BIRC6: variants seen among roughly 807,000 people sequenced by gnomAD.
BIRC6 encodes baculoviral IAP repeat containing 6.
A neutral mutation model predicts 503.3 loss-of-function variants in BIRC6; 98 were observed. The observed-to-expected ratio is 0.19, with a 90% CI of 0.17 to 0.23. The LOEUF (loss-of-function observed/expected upper bound fraction) is 0.23. BIRC6 is among the 10% of genes least tolerant of loss of function. The pLI, the probability that BIRC6 is intolerant of heterozygous loss-of-function variation, is 1.00. For missense variants in BIRC6, 5,360 were observed against 5,806.0 expected, an observed-to-expected ratio of 0.92 and a Z score of 2.50; for synonymous variants, 2,240 against 2,078.7, an observed-to-expected ratio of 1.08 and a Z score of -2.11.
At chr2:32,503,018 A>G in intron 48 of BIRC6, 24 bp from the exon 49 acceptor site, 1 of 1,548,404 alleles carries the variant, frequency 6.5e-7, no homozygotes, top group Non-Finnish European at 8.7e-7. Flanking sequence ...GATCGATTTC[A>G]TTTCATATTC....
rs775787271 is a variant in BIRC6, at chr2:32,512,917, G to A, written c.10347-16G>A. The stretch of plus-strand genomic sequence containing the variant: ...ACTATATAGTTGGTTATATGAATTC[G>A]TTTTCTTCGTTTAAGAATTCAGGCC... On this transcript the variant is annotated splice_polypyrimidine_tract_variant and intron_variant, in intron 53 of 73. Transcript: ENST00000421745. 80 of 1,609,642 alleles carry A rather than the reference G, an allele frequency of 5.0e-5. No individual in the cohort carries two copies. The highest frequency in any genetic ancestry group is 6.0e-5 in the Non-Finnish European group (71 of 1,176,478).
At position 32,415,719 on chromosome 2, in the gene BIRC6, C is replaced by T. The variant is rs774150827; in HGVS notation, c.2428C>T (p.Pro810Ser). 16 of 1,613,798 alleles carry T rather than the reference C, an allele frequency of 9.9e-6. No individual in the cohort carries two copies. Among genetic ancestry groups the T allele is most frequent in the Non-Finnish European group, 1.4e-5 (16 of 1,179,860 alleles). The change falls in exon 10 of 74, where the codon CCT becomes TCT. Residue 810 changes from proline to serine, a missense_variant. By Grantham distance (74) the Pro-to-Ser change is moderately conservative. Coordinates refer to ENST00000421745, the MANE Select transcript of BIRC6 (RefSeq NM_016252.4). ...QHESPADVQT[P>S]LIIQPEQRNV... ...TGAATCACCAGCAGATGTACAGACT[C>T]CTTTAATAATTCAGCCTGAGCAGAG...
At chr2:32,578,648 C>T (rs1411645240) in intron 66 of BIRC6, among the ~76,000 whole-genome samples, 1 of 151,676 alleles carries the variant, frequency 6.6e-6, no homozygotes, top group Non-Finnish European at 1.5e-5. Flanking sequence ...TACAAAAATT[C>T]AGCTGGGTGT....
chr2:32,458,277 C>T (rs2047462168), intron 23 of BIRC6, among the ~76,000 whole-genome samples: 1 of 152,104 alleles, frequency 6.6e-6, no homozygotes, highest in Non-Finnish European at 1.5e-5. Flanking sequence ...TATTCTGCTT[C>T]AGATTGATAG....
intron 64 of BIRC6, among the ~76,000 whole-genome samples, chr2:32,548,365 C>CTTTTTTTTT (rs1202755440): frequency 1.4e-5 from 1 of 73,364 alleles, no homozygotes. Context: ...TGGTTGCTTA[C>CTTTTTTTTT]TTTTTTTTTT....
intron 12 of BIRC6, among the ~76,000 whole-genome samples, chr2:32,432,060 T>TA (rs1460961861): frequency 6.6e-6 from 1 of 152,048 alleles, no homozygotes; most frequent in Non-Finnish European, 1.5e-5. Flanking sequence ...GGAAAAGAAA[T>TA]ATGACCATTG....
chr2:32,508,407 T>G (rs529642000), intron 51 of BIRC6, 148 bp downstream of exon 51: 1 of 1,095,026 alleles, frequency 9.1e-7, no homozygotes, highest in South Asian at 1.9e-5. Flanking sequence ...ACAATTTTAT[T>G]AGGTGTAATA....
chr2:32,372,471 A>G (rs1254582985), intron 1 of BIRC6, among the ~76,000 whole-genome samples: 1 of 152,148 alleles, frequency 6.6e-6, no homozygotes, highest in Non-Finnish European at 1.5e-5. Context: ...GCATGTATTA[A>G]TATTTCATTC....
chr2:32,578,439 A>T (rs2060410793), intron 66 of BIRC6, among the ~76,000 whole-genome samples: 1 of 152,130 alleles, frequency 6.6e-6, no homozygotes, highest in South Asian at 2.1e-4. Context: ...TGTTCTGTTA[A>T]TGTATCACTT....
chr2:32,515,618 G>A lies in BIRC6; in HGVS notation c.11197G>A (p.Ala3733Thr), dbSNP rs775498126. 2 of 1,613,408 alleles carry A rather than the reference G, an allele frequency of 1.2e-6. No individual in the cohort carries two copies. Among genetic ancestry groups the A allele is most frequent in the East Asian group, 4.5e-5 (2 of 44,866 alleles). Residue 3733 changes from alanine to threonine, a missense_variant, in exon 55 of 74, where the codon GCA (alanine) becomes ACA (threonine). Coordinates refer to ENST00000421745, the MANE Select transcript of BIRC6 (RefSeq NM_016252.4). ...GSTSGSHNLG[A>T]QQTSARSASL... ...CACTTCTGGAAGCCATAATTTAGGT[G>A]CACAACAGACCAGTGCAAGATCAGC...
At chr2:32,479,296 A>G (rs1176713457) in intron 36 of BIRC6, among the ~76,000 whole-genome samples, 166 bp from the exon 37 acceptor site, 1 of 152,216 alleles carries the variant, frequency 6.6e-6, no homozygotes, top group East Asian at 1.9e-4. Flanking sequence ...TAATGGAGTG[A>G]GTCCTAGCAT....
chr2:32,495,650 TTTG>T (rs775119663), intron 45 of BIRC6, among the ~76,000 whole-genome samples: 3 of 152,152 alleles, frequency 2.0e-5, no homozygotes, highest in Non-Finnish European at 2.9e-5. Context: ...TTATGTATTT[TTTG>T]TTGTTGTTAC....
At chr2:32,358,229 AT>A (rs1265818782) in intron 1 of BIRC6, among the ~76,000 whole-genome samples, 2 of 152,166 alleles carry the variant, frequency 1.3e-5, no homozygotes, top group African/African-American at 2.4e-5. Flanking sequence ...TATGAAATAG[AT>A]TCCTTTGGGT....
intron 1 of BIRC6, among the ~76,000 whole-genome samples, chr2:32,369,720 G>A (rs931083274): frequency 6.6e-6 from 1 of 151,212 alleles, no homozygotes; most frequent in East Asian, 1.9e-4. Context: ...GAGCCATCTC[G>A]CCCGGCGCCA....
intron 66 of BIRC6, among the ~76,000 whole-genome samples, chr2:32,578,243 A>AT (rs971070047): frequency 5.9e-5 from 9 of 151,352 alleles, no homozygotes; most frequent in Admixed American, 2.0e-4. Context: ...CTTAAGATGT[A>AT]TTTTTTTTTC....
chr2:32,504,676 T>C (rs2053601504), intron 49 of BIRC6, among the ~76,000 whole-genome samples: 1 of 151,440 alleles, frequency 6.6e-6, no homozygotes, highest in East Asian at 1.9e-4. Flanking sequence ...GAAAAATAAA[T>C]AAATAAATAA....
Position 32,470,150 on chromosome 2 carries a change from T to G in BIRC6, c.6348-18T>G. The G allele has an allele frequency of 6.8e-7, 1 of 1,469,638 alleles. No individual in the cohort carries two copies. Among genetic ancestry groups the G allele is most frequent in the Non-Finnish European group, 9.0e-7 (1 of 1,109,416 alleles). The allele number at this position is 1,469,638 out of a possible 1,614,324, so 91.0% of individuals were successfully genotyped here. A position where few individuals can be genotyped will look rare whatever the true frequency, so the allele number is the denominator to read the frequency against. On this transcript the variant is annotated intron_variant, in intron 30 of 73. Coordinates refer to ENST00000421745, the MANE Select transcript of BIRC6 (RefSeq NM_016252.4). ...AATTGATTCTTATTCTTTTCTTTTT[T>G]GTTTGTTTTGTTTTTAGGGTCTTCA...
chr2:32,381,210 T>C (rs1463375862), intron 3 of BIRC6, among the ~76,000 whole-genome samples: 1 of 152,144 alleles, frequency 6.6e-6, no homozygotes, highest in Non-Finnish European at 1.5e-5. Context: ...AATATACTAA[T>C]ATTGTGTTAT....
intron 15 of BIRC6, 108 bp downstream of exon 15, chr2:32,436,292 G>T (rs767729239): frequency 1.9e-6 from 2 of 1,059,524 alleles, no homozygotes; most frequent in Non-Finnish European, 2.5e-6. Flanking sequence ...TGGGACTTTC[G>T]TTCGAAATTT....
Sources: allele counts gnomAD v4.1 joint callset (sites outside exome capture counted in the v4.1 genomes callset), GRCh38; gene constraint gnomAD v4.1.1; transcripts MANE v1.5; gene names NCBI Gene and HGNC (gene_info 2026-07-23, HGNC 2026-07-21).